ST18: variants seen among roughly 807,000 people sequenced by gnomAD.
ST18 encodes ST18 C2H2C-type zinc finger transcription factor.
A neutral mutation model predicts 110.0 loss-of-function variants in ST18; 50 were observed. That is an observed-to-expected ratio of 0.45 (90% confidence interval 0.36 to 0.58). ST18 has a LOEUF of 0.58. ST18 is among the 20% of genes least tolerant of loss of function. ST18 has a pLI of 0.00. For synonymous variants in ST18, 461 were observed against 452.4 expected (o/e 1.02, Z -0.24); for missense variants, 1,306 against 1,280.1 (o/e 1.02, Z -0.31).
At chr8:52,123,647 T>C (rs1432798612) in intron 23 of ST18, among the ~76,000 whole-genome samples, 2 of 152,240 alleles carry the variant, frequency 1.3e-5, no homozygotes, top group Admixed American at 1.3e-4. Context: ...CACTTGTCAA[T>C]GGGTTCAACC....
chr8:52,342,227 T>C (rs1247817521), intron 2 of ST18, among the ~76,000 whole-genome samples: 1 of 152,184 alleles, frequency 6.6e-6, no homozygotes, highest in Non-Finnish European at 1.5e-5. Context: ...AATTTTTACT[T>C]GTCAATTTAA....
intron 23 of ST18, among the ~76,000 whole-genome samples, chr8:52,124,009 T>A (rs1408302954): frequency 6.6e-6 from 1 of 152,230 alleles, no homozygotes; most frequent in East Asian, 1.9e-4. Context: ...TACCACGTGA[T>A]TCACACGGTG....
intron 23 of ST18, among the ~76,000 whole-genome samples, chr8:52,122,434 T>A (rs1406403859): frequency 6.6e-6 from 1 of 152,026 alleles, no homozygotes; most frequent in Non-Finnish European, 1.5e-5. Context: ...TCTATTATAT[T>A]TCAAACAAAT....
chr8:52,126,215 AC>A, intron 22 of ST18, 75 bp from the exon 23 acceptor site: 1 of 1,434,980 alleles, frequency 7.0e-7, no homozygotes, highest in Non-Finnish European at 9.6e-7. Flanking sequence ...TTTATTCACA[AC>A]CTACTATTTG....
intron 2 of ST18, among the ~76,000 whole-genome samples, chr8:52,300,013 C>T (rs370643510): frequency 6.6e-6 from 1 of 152,182 alleles, no homozygotes; most frequent in African/African-American, 2.4e-5. Flanking sequence ...ACTCTTAGGG[C>T]ACAAGTTGCT....
At chr8:52,389,779 C>T (rs1838618131) in intron 2 of ST18, among the ~76,000 whole-genome samples, 1 of 152,146 alleles carries the variant, frequency 6.6e-6, no homozygotes, top group African/African-American at 2.4e-5. Context: ...GGAAGCTGCT[C>T]TCTGAAGAGC....
At chr8:52,171,092 C>T (rs930145830) in intron 10 of ST18, among the ~76,000 whole-genome samples, 11 of 152,114 alleles carry the variant, frequency 7.2e-5, no homozygotes, top group Non-Finnish European at 1.6e-4. Flanking sequence ...TCATCTTAAA[C>T]AAGCATTCTA....
At chr8:52,317,600 C>A (rs894588657) in intron 2 of ST18, among the ~76,000 whole-genome samples, 2 of 152,170 alleles carry the variant, frequency 1.3e-5, no homozygotes, top group Non-Finnish European at 2.9e-5. Context: ...CCCTATACGT[C>A]ATGGTGTGTT....
At chr8:52,122,161 T>C (rs1441407673) in intron 23 of ST18, among the ~76,000 whole-genome samples, 1 of 152,148 alleles carries the variant, frequency 6.6e-6, no homozygotes, top group Non-Finnish European at 1.5e-5. Flanking sequence ...ATATTTTACT[T>C]AACTGTTCAG....
rs1221881316 is a variant in ST18 at position 52,387,688 on chromosome 8, G to GCC, written c.-465+21639_-465+21640insGG. On this transcript the variant is annotated intron_variant, in intron 2 of 25. Coordinates refer to ENST00000689386, the MANE Select transcript of ST18 (RefSeq NM_001352837.2). ...TAGTGTTAGAAAAGTCACAAAAAGT[G>GCC]TACGTTCATAACAGTTACCATGACC... Among the ~76,000 whole-genome samples the GCC allele has an allele frequency of 5.9e-5, 9 of 152,110 alleles. 1 individual carries two copies. The highest frequency in any genetic ancestry group is 1.9e-4 in the African/African-American group (8 of 41,502).
At chr8:52,397,675 A>T (rs1459894074) in intron 2 of ST18, among the ~76,000 whole-genome samples, 1 of 152,058 alleles carries the variant, frequency 6.6e-6, no homozygotes, top group Non-Finnish European at 1.5e-5. Flanking sequence ...TGGAAATACA[A>T]TTTTTCCAGC....
At position 52,149,897 on chromosome 8, in the gene ST18, G is replaced by A. The variant is rs146398660; in HGVS notation, c.1887C>T (p.Pro629=). Residue 629 remains proline, a synonymous_variant, in exon 16 of 26, where the codon CCC becomes CCT. Transcript: ENST00000689386. ...GAATAGAAGTGTTAGAGGAAGTTAG[G>A]GGTGCAGACTTGTCCAGGATTCGAT... ...KKNRILDKSA[P]LTSSNTSIPT... 6 of 1,614,014 alleles carry A rather than the reference G, an allele frequency of 3.7e-6. No homozygotes were observed. Among genetic ancestry groups the A allele is most frequent in the South Asian group, 1.1e-5 (1 of 91,078 alleles).
At chr8:52,272,332 C>T (rs534741551) in intron 2 of ST18, among the ~76,000 whole-genome samples, 15 of 150,682 alleles carry the variant, frequency 1.0e-4, no homozygotes, top group Non-Finnish European at 2.1e-4. Context: ...ATATAATGAA[C>T]TTCTACAACT....
rs537780624 is a variant in ST18 at position 52,283,259 on chromosome 8, C to T, written c.-464-53182G>A. Among the ~76,000 whole-genome samples the T allele has an allele frequency of 4.6e-5, 7 of 152,298 alleles. No individual in the cohort carries two copies. The East Asian group carries it at 1.2e-3, about 25-fold the overall frequency. ...CAAAGATAAGGCACTCGTGCCTAAC[C>T]CGCCATGATGGAGGTGACTGTCAGA... On this transcript the variant is annotated intron_variant, in intron 2 of 25. Coordinates refer to ENST00000689386, the MANE Select transcript of ST18 (RefSeq NM_001352837.2).
chr8:52,193,081 C>T (rs756503603), intron 8 of ST18, among the ~76,000 whole-genome samples: 1 of 152,194 alleles, frequency 6.6e-6, no homozygotes, highest in Non-Finnish European at 1.5e-5. Flanking sequence ...GGCAGAGAAT[C>T]TGAAGGTCAT....
At chr8:52,202,295 T>C (rs1014640317) in intron 8 of ST18, among the ~76,000 whole-genome samples, 1 of 152,186 alleles carries the variant, frequency 6.6e-6, no homozygotes, top group Non-Finnish European at 1.5e-5. Flanking sequence ...GGGTAGATAA[T>C]GTAAAATAAA....
chr8:52,167,012 G>A (rs1374672810), intron 10 of ST18, 26 bp from the exon 11 acceptor site: 1 of 1,586,484 alleles, frequency 6.3e-7, no homozygotes, highest in South Asian at 1.1e-5. Flanking sequence ...ATTGAGAAAT[G>A]CATTTGGTTA....
intron 2 of ST18, among the ~76,000 whole-genome samples, chr8:52,349,085 G>A (rs371693561): frequency 3.3e-5 from 5 of 152,168 alleles, no homozygotes; most frequent in East Asian, 3.9e-4. Flanking sequence ...AGACTGTACC[G>A]TATTTGCCTT....
chr8:52,367,575 T>G (rs910874028), intron 2 of ST18, among the ~76,000 whole-genome samples: 1 of 152,190 alleles, frequency 6.6e-6, no homozygotes, highest in East Asian at 1.9e-4. Flanking sequence ...TGATGAATAT[T>G]ACATTAATTT....
Sources: allele counts gnomAD v4.1 joint callset (sites outside exome capture counted in the v4.1 genomes callset), GRCh38; gene constraint gnomAD v4.1.1; transcripts MANE v1.5; gene names NCBI Gene and HGNC (gene_info 2026-07-23, HGNC 2026-07-21).